The following PLA2R1 variants were observed in gnomAD, a reference collection of about 807,000 sequenced individuals.
The protein encoded by PLA2R1 is secretory phospholipase A2 receptor.
A neutral mutation model predicts 195.9 loss-of-function variants in PLA2R1; 158 were observed. That is an observed-to-expected ratio of 0.81 (90% CI 0.71 to 0.92). The LOEUF is 0.92. PLA2R1 is among the 40% of genes least tolerant of loss of function. The pLI is 0.00. For missense variants in PLA2R1, 1,626 were observed against 1,764.6 expected (o/e 0.92, Z 1.41); for synonymous variants, 586 against 598.2 (o/e 0.98, Z 0.30).
At chr2:159,998,050 G>A (rs943278326) in intron 11 of PLA2R1, among the ~76,000 whole-genome samples, 4 of 152,072 alleles carry the variant, frequency 2.6e-5, no homozygotes, top group African/African-American at 9.7e-5. Context: ...GCTCCTAAGT[G>A]TTGGGGAAAT....
chr2:160,053,268 C>T (rs1695326151), intron 1 of PLA2R1, among the ~76,000 whole-genome samples: 1 of 151,772 alleles, frequency 6.6e-6, no homozygotes, highest in Non-Finnish European at 1.5e-5. Context: ...ACTAGGGCTA[C>T]CCTAACTGCC....
intron 7 of PLA2R1, among the ~76,000 whole-genome samples, chr2:160,022,201 G>A (rs1693176970): frequency 6.6e-6 from 1 of 152,182 alleles, no homozygotes; most frequent in Admixed American, 6.5e-5. Flanking sequence ...GAAGCCAGGA[G>A]CCTAAAATTC....
intron 20 of PLA2R1, among the ~76,000 whole-genome samples, chr2:159,959,389 CACG>C (rs984747664): frequency 1.3e-5 from 2 of 152,134 alleles, no homozygotes; most frequent in African/African-American, 4.8e-5. Flanking sequence ...CTGCAATTAC[CACG>C]ACTTCATTGT....
At chr2:159,967,739 TCTATTGATCA>T in intron 19 of PLA2R1, 61 bp from the exon 20 acceptor site, 1 of 1,396,744 alleles carries the variant, frequency 7.2e-7, no homozygotes, top group Non-Finnish European at 9.9e-7. Context: ...GAAGGCATTC[TCTATTGATCA>T]CTATTTTTAT....
chr2:160,016,448 GA>G (rs1462509966), intron 9 of PLA2R1, among the ~76,000 whole-genome samples, 165 bp downstream of exon 9: 1 of 130,084 alleles, frequency 7.7e-6, no homozygotes, highest in Non-Finnish European at 1.6e-5. Flanking sequence ...CTCAGGACAG[GA>G]AAAAAAAGAG....
intron 20 of PLA2R1, among the ~76,000 whole-genome samples, chr2:159,962,681 A>G (rs1688526793): frequency 6.6e-6 from 1 of 152,238 alleles, no homozygotes; most frequent in African/African-American, 2.4e-5. Context: ...TGGCACATAA[A>G]CACCATGGAA....
intron 1 of PLA2R1, among the ~76,000 whole-genome samples, chr2:160,052,003 T>G (rs1205660179): frequency 1.8e-4 from 27 of 152,188 alleles, no homozygotes; most frequent in Non-Finnish European, 1.2e-4. Flanking sequence ...CTCAGAACTT[T>G]CTTCTCTTTC....
intron 8 of PLA2R1, among the ~76,000 whole-genome samples, chr2:160,017,132 A>G (rs1321939192): frequency 6.6e-6 from 1 of 152,218 alleles, no homozygotes; most frequent in Non-Finnish European, 1.5e-5. Flanking sequence ...TACCAAGGTC[A>G]GCCTGGCTTT....
chr2:160,027,168 A>G (rs1196956863), intron 6 of PLA2R1, among the ~76,000 whole-genome samples: 1 of 152,248 alleles, frequency 6.6e-6, no homozygotes, highest in Non-Finnish European at 1.5e-5. Flanking sequence ...AGCAAAGCAA[A>G]TAATCCAAAC....
rs924283321 is a variant in PLA2R1, at chr2:160,008,940, G to A, written c.1665-3119C>T. ...AGATACACAGATAGCCAATAAGCACGTGAAAAGATGTTCAACATCATCAAT... is the reference window on the plus strand; with the variant it reads ...AGATACACAGATAGCCAATAAGCACATGAAAAGATGTTCAACATCATCAAT... On this transcript the variant is annotated intron_variant, in intron 10 of 29. Transcript: ENST00000283243. Among the ~76,000 whole-genome samples, 12 of 152,302 alleles carry A rather than the reference G, an allele frequency of 7.9e-5. No individual in the cohort carries two copies. In the South Asian group the frequency reaches 8.3e-4, roughly 11 times the overall value.
At chr2:160,050,031 G>T (rs1695121662) in intron 1 of PLA2R1, among the ~76,000 whole-genome samples, 1 of 152,084 alleles carries the variant, frequency 6.6e-6, no homozygotes, top group Non-Finnish European at 1.5e-5. Context: ...ATGATGGGAT[G>T]ACAGGTGCAG....
rs138294146 is a variant in PLA2R1, at chr2:160,032,556, C to A, written c.841+403G>T. Among the ~76,000 whole-genome samples the A allele has an allele frequency of 3.9e-3, 601 of 152,270 alleles. 3 individuals carry two copies. Among genetic ancestry groups the A allele is most frequent in the African/African-American group, 0.014 (562 of 41,550 alleles). ...ACCCACCAGAAGGCCTATGATGTAC[C>A]TGCACATGGTGAATGATATGTAAGA... On this transcript the variant is annotated intron_variant, in intron 4 of 29. Coordinates refer to ENST00000283243, the MANE Select transcript of PLA2R1 (RefSeq NM_007366.5).
At chr2:159,989,728 T>C (rs1266016819) in intron 11 of PLA2R1, among the ~76,000 whole-genome samples, 1 of 152,204 alleles carries the variant, frequency 6.6e-6, no homozygotes, top group East Asian at 1.9e-4. Flanking sequence ...GCAATGTTGC[T>C]ATTATGCTTA....
At chr2:160,044,741 C>A in intron 2 of PLA2R1, 33 bp downstream of exon 2, 1 of 1,571,102 alleles carries the variant, frequency 6.4e-7, no homozygotes, top group South Asian at 1.1e-5. Flanking sequence ...AAAAAAACAC[C>A]ATTCCCTGAG....
chr2:159,924,637 C>T, the PLA2R1 span, among the ~76,000 whole-genome samples: 1 of 144,620 alleles, frequency 6.9e-6, no homozygotes, highest in Non-Finnish European at 1.5e-5. Context: ...TTACCTATTG[C>T]TGAATGCTTT....
intron 20 of PLA2R1, among the ~76,000 whole-genome samples, chr2:159,957,804 G>A (rs1369067562): frequency 6.6e-6 from 1 of 152,178 alleles, no homozygotes; most frequent in African/African-American, 2.4e-5. Flanking sequence ...GAGAGGAAAA[G>A]ATAGAAGAGA....
chr2:159,950,289 A>C (rs2125928464), intron 24 of PLA2R1, among the ~76,000 whole-genome samples: 1 of 152,344 alleles, frequency 6.6e-6, no homozygotes, highest in Non-Finnish European at 1.5e-5. Context: ...AAGGATTAAA[A>C]TTTTGAGAAT....
intron 3 of PLA2R1, among the ~76,000 whole-genome samples, chr2:160,037,061 G>T (rs1173577952): frequency 6.6e-6 from 1 of 152,182 alleles, no homozygotes; most frequent in Non-Finnish European, 1.5e-5. Context: ...ACCAGGTCCT[G>T]TTCAGTTTAT....
At position 159,989,071 on chromosome 2, in the gene PLA2R1, G is replaced by T. The variant is rs3792167; in HGVS notation, c.1835-1713C>A. On this transcript the variant is annotated intron_variant, in intron 11 of 29. Transcript: ENST00000283243. ...GGTAAAAATGTCCAGTGGTAAAAGA[G>T]GAAACACGCTATCCCTCACATAGAA... Among the ~76,000 whole-genome samples, 19 of 152,162 alleles carry T rather than the reference G, an allele frequency of 1.2e-4. No homozygotes were observed. The South Asian group carries it at 3.5e-3, about 28-fold the overall frequency.
Sources: allele counts gnomAD v4.1 joint callset (sites outside exome capture counted in the v4.1 genomes callset), GRCh38; gene constraint gnomAD v4.1.1; transcripts MANE v1.5; gene names NCBI Gene and HGNC (gene_info 2026-07-23, HGNC 2026-07-21).